The following ADAMTS10 variants were observed in gnomAD, a reference collection of about 807,000 sequenced individuals.
ADAMTS10 encodes the protein A disintegrin and metalloproteinase with thrombospondin motifs 10.
In ADAMTS10, 48 loss-of-function variants were observed where a neutral mutation model predicts 135.9. That is an observed-to-expected ratio of 0.35 (90% CI 0.28 to 0.45). ADAMTS10 has a LOEUF of 0.45. Among genes scored for constraint, ADAMTS10 ranks in the 20% least tolerant of loss-of-function variants. The pLI, the probability that ADAMTS10 is intolerant of heterozygous loss-of-function variation, is 1.00. For missense variants in ADAMTS10, 1,131 were observed against 1,565.2 expected, an observed-to-expected ratio of 0.72 and a Z score of 4.68; for synonymous variants, 621 against 647.5, an observed-to-expected ratio of 0.96 and a Z score of 0.62.
At position 8,586,191 on chromosome 19, in the gene ADAMTS10, TG is replaced by T; in HGVS notation, c.2590del (p.His864ThrfsTer27). On this transcript the variant is annotated frameshift_variant, in exon 22 of 26. Transcript: ENST00000597188. LOFTEE classifies it high-confidence loss of function. ...NQLDSSAVAP[H>X]YCSAHSKLPK... ...CAGCTTGCTGTGGGCACTGCAGTAG[TG>T]GGGGGCGACCGCGGAGCTGTCCAGC... The T allele has an allele frequency of 6.2e-7, 1 of 1,612,806 alleles. No individual in the cohort carries two copies.
intron 6 of ADAMTS10, among the ~76,000 whole-genome samples, chr19:8,597,807 ATT>A (rs574630456): frequency 6.9e-6 from 1 of 145,040 alleles, no homozygotes. Flanking sequence ...TGCCCACTTA[ATT>A]TTTTTTTTTT....
rs782504121 is a variant in ADAMTS10 at position 8,595,780 on chromosome 19, C to T, written c.1461G>A (p.Ser487=). ...TCTCTACCCCGTATTTACACTGACG[C>T]GATTTGACTCCATGCTGAAAGCGGC... ...EQCRFQHGVK[S]RQCKYGEVCS... The change falls in exon 12 of 26, where the codon TCG becomes TCA. Residue 487 remains serine (S), a synonymous_variant. Coordinates refer to ENST00000597188, the MANE Select transcript of ADAMTS10 (RefSeq NM_030957.4). 1.2e-6 allele frequency: 2 copies of T among 1,613,914 alleles called. No individual in the cohort carries two copies. The highest frequency in any genetic ancestry group is 1.7e-6 in the Non-Finnish European group (2 of 1,180,000).
intron 6 of ADAMTS10, among the ~76,000 whole-genome samples, chr19:8,599,311 C>A (rs181793986): frequency 1.2e-4 from 17 of 140,762 alleles, no homozygotes; most frequent in Admixed American, 1.0e-3. Context: ...CAACGAGTAC[C>A]TGTGAGCTAC....
chr19:8,610,703 C>T lies in ADAMTS10; in HGVS notation c.-274G>A, dbSNP rs2042771873. ...CCGCTGTCTCGCCGCCCCGCGCGCGCAGGAAGGGAGGGAGCGAGCGAGCGC... is the reference window on the plus strand; with the variant it reads ...CCGCTGTCTCGCCGCCCCGCGCGCGTAGGAAGGGAGGGAGCGAGCGAGCGC... On this transcript the variant is annotated 5_prime_UTR_variant, in exon 1 of 26. Coordinates refer to ENST00000597188, the MANE Select transcript of ADAMTS10 (RefSeq NM_030957.4). 1 of 149,600 alleles carries T rather than the reference C, an allele frequency of 6.7e-6. No individual in the cohort carries two copies. Among genetic ancestry groups the T allele is most frequent in the South Asian group, 2.1e-4 (1 of 4,790 alleles). 9.3% of individuals were successfully genotyped at this position (149,600 alleles called of 1,614,324 possible).
rs1193198006 is a variant in ADAMTS10 at position 8,605,324 on chromosome 19, G to A, written c.123C>T (p.Ile41=). Residue 41 remains isoleucine (I), a synonymous_variant, in exon 4 of 26, where the codon ATC becomes ATT. Coordinates refer to ENST00000597188, the MANE Select transcript of ADAMTS10 (RefSeq NM_030957.4). This position sits in a 1 kb window ranked among gnomAD's most constrained non-coding sequence, Gnocchi z 7.7. ...TGTGGTCCACGCGGGTGGGGAAGGC[G>A]ATCTCATAGCTCTCCAGACTGGACA... is the stretch of plus-strand genomic sequence containing the variant. The part of the protein sequence containing the change: ...EFLSSLESYE[I]AFPTRVDHNG... The A allele has an allele frequency of 2.5e-6, 4 of 1,608,496 alleles. No individual in the cohort carries two copies. Among genetic ancestry groups the A allele is most frequent in the African/African-American group, 1.3e-5 (1 of 74,982 alleles).
At chr19:8,588,610 A>T (rs2042472071) in intron 18 of ADAMTS10, among the ~76,000 whole-genome samples, 2 of 152,046 alleles carry the variant, frequency 1.3e-5, no homozygotes, top group Admixed American at 1.3e-4. Flanking sequence ...AAGCTGGAAA[A>T]GGTGCTTTCT....
Position 8,586,719 on chromosome 19 carries a change from G to C in ADAMTS10, c.2242C>G (p.Leu748Val), listed in dbSNP as rs782276124. 1 of 1,614,132 alleles carries C rather than the reference G, an allele frequency of 6.2e-7. No homozygotes were observed. The highest frequency in any genetic ancestry group is 1.1e-5 in the South Asian group (1 of 91,076). Residue 748 changes from leucine (L) to valine (V), a missense_variant and splice_region_variant, in exon 20 of 26, where the codon CTG becomes GTG. Coordinates refer to ENST00000597188, the MANE Select transcript of ADAMTS10 (RefSeq NM_030957.4). ...AGCAGGGACTCCTGGTCTCCCTTCA[G>C]GGCTGGGGGACGATGCAGGGTTCAG... ...DLNLSLSHLA[L>V]KGDQESLLLE...
At chr19:8,589,398 C>CT in intron 17 of ADAMTS10, 33 bp from the exon 18 acceptor site, 1 of 1,607,244 alleles carries the variant, frequency 6.2e-7, no homozygotes. Flanking sequence ...AGGCGACCCC[C>CT]TAACCCACCC....
Position 8,601,098 on chromosome 19 carries a change from G to C in ADAMTS10, c.640C>G (p.Pro214Ala). 2 of 1,613,998 alleles carry C rather than the reference G, an allele frequency of 1.2e-6. No individual in the cohort carries two copies. Among genetic ancestry groups the C allele is most frequent in the Non-Finnish European group, 8.5e-7 (1 of 1,180,040 alleles). ...TTCCCCAGGGGCCTGGCAGGCGGTG[G>C]CTTCAAGGTCCGCAGCCACCATGGC... ...GRPWWLRTLK[P>A]PPARPLGNET... The change falls in exon 6 of 26, where the codon CCA becomes GCA. Residue 214 changes from proline to alanine, a missense_variant. Physicochemically the swap from Pro to Ala is conservative, Grantham distance 27 (BLOSUM62 -1). Coordinates refer to ENST00000597188, the MANE Select transcript of ADAMTS10 (RefSeq NM_030957.4). The surrounding 1 kb of genome is among the most constrained non-coding windows in gnomAD (Gnocchi z 4.6).
At chr19:8,595,043 T>C (rs911402982) in intron 12 of ADAMTS10, among the ~76,000 whole-genome samples, 5 of 152,180 alleles carry the variant, frequency 3.3e-5, no homozygotes, top group Non-Finnish European at 7.3e-5. Context: ...TGAGTTGTGA[T>C]AGTGTGAAGA....
chr19:8,610,069 C>A (rs1251361772), intron 1 of ADAMTS10, among the ~76,000 whole-genome samples: 1 of 151,908 alleles, frequency 6.6e-6, no homozygotes, highest in East Asian at 1.9e-4. Flanking sequence ...CACATACATA[C>A]ACAGACAACC....
At position 8,589,258 on chromosome 19, in the gene ADAMTS10, T is replaced by C; in HGVS notation, c.2142A>G (p.Pro714=). ...ACETIEGVFS[P]ASPGAGYEDV... Reference sequence around the variant, plus strand: ...GACTCTCACCGGCCCCAGGTGAGGCTGGGCTGAAGACGCCCTCGATGGTCT... The same window carrying C: ...GACTCTCACCGGCCCCAGGTGAGGCCGGGCTGAAGACGCCCTCGATGGTCT... Residue 714 remains proline (P), a synonymous_variant, in exon 18 of 26, where the codon CCA becomes CCG. Coordinates refer to ENST00000597188, the MANE Select transcript of ADAMTS10 (RefSeq NM_030957.4). 6.2e-7 allele frequency: 1 copy of C among 1,612,698 alleles called. No homozygotes were observed. Among genetic ancestry groups the C allele is most frequent in the South Asian group, 1.1e-5 (1 of 91,080 alleles).
In ADAMTS10 at chr19:8,608,620, T is replaced by C. The variant is rs188558770; in HGVS notation, c.-214-372A>G. Among the ~76,000 whole-genome samples, 772 of 152,138 alleles carry C rather than the reference T, an allele frequency of 5.1e-3. 7 individuals are homozygous for C. Among genetic ancestry groups the C allele is most frequent in the African/African-American group, 0.017 (726 of 41,530 alleles). On this transcript the variant is annotated intron_variant, in intron 1 of 25. Coordinates refer to ENST00000597188, the MANE Select transcript of ADAMTS10 (RefSeq NM_030957.4). Reference sequence around the variant, plus strand: ...CCCTTTCTCCCACTGGCTCCCTCCCTCCTCTCCTGTTCTTGCATTGCCAGG... The same window carrying C: ...CCCTTTCTCCCACTGGCTCCCTCCCCCCTCTCCTGTTCTTGCATTGCCAGG...
intron 1 of ADAMTS10, among the ~76,000 whole-genome samples, chr19:8,610,422 G>GACACAC (rs111492620): frequency 0.38 from 55,579 of 145,442 alleles, 11,513 homozygotes; most frequent in Non-Finnish European, 0.47. Flanking sequence ...TACGTGGACG[G>GACACAC]ACACACACAC....
intron 5 of ADAMTS10, among the ~76,000 whole-genome samples, chr19:8,602,996 C>A (rs559233393): frequency 6.6e-6 from 1 of 152,288 alleles, no homozygotes; most frequent in Admixed American, 6.5e-5. Context: ...CCTTCTCTCT[C>A]ATTTCTTAAA....
rs1438336464 is a variant in ADAMTS10 at position 8,597,336 on chromosome 19, GAGAGACCGAGTCTTA to G, written c.811-34_811-20del. 6.2e-7 allele frequency: 1 copy of G among 1,611,026 alleles called. No homozygotes were observed. Among genetic ancestry groups the G allele is most frequent in the Admixed American group, 1.7e-5 (1 of 59,636 alleles). Reference sequence around the variant, plus strand: ...TGGCAACCTGACCTCCAAGAAACAAGAGAGACCGAGTCTTAAGAGGAGCCCAGGGTAGAAAATGAA... The same window carrying G: ...TGGCAACCTGACCTCCAAGAAACAAGAGAGGAGCCCAGGGTAGAAAATGAA... On this transcript the variant is annotated intron_variant, in intron 6 of 25. Coordinates refer to ENST00000597188, the MANE Select transcript of ADAMTS10 (RefSeq NM_030957.4).
At position 8,595,874 on chromosome 19, in the gene ADAMTS10, C is replaced by A. The variant is rs199769798; in HGVS notation, c.1367G>T (p.Arg456Leu). Residue 456 changes from arginine to leucine, a missense_variant, in exon 12 of 26, where the codon CGG (arginine) becomes CTG (leucine). By Grantham distance (102) the Arg-to-Leu change is moderately radical. Coordinates refer to ENST00000597188, the MANE Select transcript of ADAMTS10 (RefSeq NM_030957.4). ...DSGLGLCLNN[R>L]PPRQDFVYPT... ...GTACACAAAGTCCTGTCTGGGGGGC[C>A]GGTTGTTCAGGCAGAGCCCCAGGCC... is the stretch of plus-strand genomic sequence containing the variant. 1 of 1,614,040 alleles carries A rather than the reference C, an allele frequency of 6.2e-7. No individual in the cohort carries two copies. Among genetic ancestry groups the A allele is most frequent in the Non-Finnish European group, 8.5e-7 (1 of 1,180,032 alleles).
Position 8,585,475 on chromosome 19 carries a change from G to A in ADAMTS10, c.2846C>T (p.Ala949Val). Residue 949 changes from alanine to valine, a missense_variant, in exon 23 of 26, where the codon GCG becomes GTG. Ala to Val is a moderately conservative substitution (Grantham distance 64). Around this residue, in one of 3 missense-constraint regions of ADAMTS10, gnomAD observed 745 missense variants for 1,056.3 expected, o/e 0.71. Coordinates refer to ENST00000597188, the MANE Select transcript of ADAMTS10 (RefSeq NM_030957.4). The stretch of plus-strand genomic sequence containing the variant: ...GCTGACCTCAGACCAGTCGAGGGCC[G>A]CCCACTCCGGAGGGCAAGTGGGGCC... The part of the protein sequence containing the change: ...CHGPTCPPEW[A>V]ALDWSECTPS... The A allele has an allele frequency of 6.5e-7, 1 of 1,535,890 alleles. No individual in the cohort carries two copies. Among genetic ancestry groups the A allele is most frequent in the Non-Finnish European group, 8.8e-7 (1 of 1,139,310 alleles).
At chr19:8,591,754 T>C in intron 15 of ADAMTS10, 46 bp downstream of exon 15, 1 of 1,610,452 alleles carries the variant, frequency 6.2e-7, no homozygotes. Context: ...ATAGCTGTTT[T>C]TAATGCTTCC....
Sources: allele counts gnomAD v4.1 joint callset (sites outside exome capture counted in the v4.1 genomes callset), GRCh38; gene constraint gnomAD v4.1.1; regional missense constraint gnomAD v4.1.1; non-coding constraint Gnocchi (gnomAD v3.1); transcripts MANE v1.5; gene names NCBI Gene and HGNC (gene_info 2026-07-23, HGNC 2026-07-21).